QNG1: variants seen among roughly 807,000 people sequenced by gnomAD.
QNG1 encodes the protein queuosine 5'-phosphate N-glycosylase/hydrolase.
the QNG1 span, chr9:83,955,654 A>C: frequency 6.2e-7 from 1 of 1,606,708 alleles, no homozygotes; most frequent in Non-Finnish European, 8.5e-7. Context: ...TAGTGAAAAA[A>C]TAAAATTCAG....
At chr9:83,956,214 T>C in the QNG1 span, 4 of 1,613,724 alleles carry the variant, frequency 2.5e-6, no homozygotes, top group Non-Finnish European at 2.5e-6. Flanking sequence ...GTACCCACTG[T>C]ATGTTTTCCC....
At chr9:83,950,330 G>A in the QNG1 span, among the ~76,000 whole-genome samples, 1 of 152,110 alleles carries the variant, frequency 6.6e-6, no homozygotes, top group Non-Finnish European at 1.5e-5. Flanking sequence ...TTACAGGTAT[G>A]AGCCACCACG....
chr9:83,955,654 A>G, the QNG1 span: 5 of 1,606,590 alleles, frequency 3.1e-6, no homozygotes, highest in African/African-American at 5.4e-5. Flanking sequence ...TAGTGAAAAA[A>G]TAAAATTCAG....
At chr9:83,939,580 GT>G in the QNG1 span, 1 of 1,613,856 alleles carries the variant, frequency 6.2e-7, no homozygotes, top group Admixed American at 1.7e-5. Context: ...CATGGGCATA[GT>G]CCCATAAGTA....
the QNG1 span, among the ~76,000 whole-genome samples, chr9:83,949,857 T>A: frequency 6.6e-6 from 1 of 151,282 alleles, no homozygotes; most frequent in Admixed American, 6.6e-5. Flanking sequence ...AAACAAAAAA[T>A]AAAAATAAAA....
the QNG1 span, among the ~76,000 whole-genome samples, chr9:83,948,042 G>T: frequency 6.7e-6 from 1 of 149,118 alleles, no homozygotes; most frequent in South Asian, 2.1e-4. Context: ...GCCTCTTCCC[G>T]GCTGCCATCC....
chr9:83,946,379 C>T, the QNG1 span, among the ~76,000 whole-genome samples: 1 of 151,936 alleles, frequency 6.6e-6, no homozygotes, highest in Non-Finnish European at 1.5e-5. Flanking sequence ...TGAAGAGAAC[C>T]ACAACATTCA....
the QNG1 span, among the ~76,000 whole-genome samples, chr9:83,947,706 G>C: frequency 6.6e-6 from 1 of 152,180 alleles, no homozygotes; most frequent in Non-Finnish European, 1.5e-5. Flanking sequence ...GTGGAGATGG[G>C]GTTTCGCCGT....
chr9:83,948,601 C>G, the QNG1 span, among the ~76,000 whole-genome samples: 2 of 152,206 alleles, frequency 1.3e-5, no homozygotes, highest in Non-Finnish European at 2.9e-5. Flanking sequence ...GCATGCCCAA[C>G]AGCTCATTGA....
the QNG1 span, among the ~76,000 whole-genome samples, chr9:83,947,813 T>G: frequency 1.3e-5 from 2 of 152,246 alleles, no homozygotes; most frequent in East Asian, 3.8e-4. Context: ...GCTCACTCAG[T>G]GCTCAATGTT....
the QNG1 span, among the ~76,000 whole-genome samples, chr9:83,945,838 G>A: frequency 1.3e-5 from 2 of 151,984 alleles, no homozygotes; most frequent in Non-Finnish European, 2.9e-5. Flanking sequence ...TCCTGACCTT[G>A]TGATCTGCCC....
the QNG1 span, among the ~76,000 whole-genome samples, chr9:83,948,803 G>A: frequency 3.3e-5 from 5 of 152,062 alleles, no homozygotes; most frequent in African/African-American, 9.7e-5. Flanking sequence ...CCCCAACCCC[G>A]TGCTCTCTGA....
chr9:83,946,891 G>A, the QNG1 span, among the ~76,000 whole-genome samples: 1 of 151,996 alleles, frequency 6.6e-6, no homozygotes, highest in South Asian at 2.1e-4. Context: ...GAGCCACCAT[G>A]CCTGGCCTAC....
the QNG1 span, among the ~76,000 whole-genome samples, chr9:83,954,590 A>G: frequency 6.8e-6 from 1 of 146,944 alleles, no homozygotes; most frequent in African/African-American, 2.5e-5. Context: ...TCAGGGAAAG[A>G]AAAAAAAAAG....
the QNG1 span, among the ~76,000 whole-genome samples, chr9:83,949,659 AAAAC>A: frequency 4.6e-5 from 7 of 152,110 alleles, no homozygotes; most frequent in Middle Eastern, 3.4e-3. Context: ...GGGAAAAACA[AAAAC>A]AAACAAAAAA....
At chr9:83,948,169 C>T in the QNG1 span, among the ~76,000 whole-genome samples, 1 of 151,214 alleles carries the variant, frequency 6.6e-6, no homozygotes, top group African/African-American at 2.4e-5. Context: ...GCCGCGACCC[C>T]GTCTGGGAAC....
chr9:83,947,937 C>G, the QNG1 span, among the ~76,000 whole-genome samples: 257 of 152,246 alleles, frequency 1.7e-3, no homozygotes, highest in African/African-American at 5.3e-3. Flanking sequence ...GCCGCCACCC[C>G]GTATGGGAAG....
At chr9:83,947,715 G>C in the QNG1 span, among the ~76,000 whole-genome samples, 2 of 152,220 alleles carry the variant, frequency 1.3e-5, no homozygotes, top group Non-Finnish European at 2.9e-5. Context: ...GGGTTTCGCC[G>C]TGTTGGCCGG....
At chr9:83,944,059 C>T in the QNG1 span, among the ~76,000 whole-genome samples, 10,618 of 149,422 alleles carry the variant, frequency 0.071, 473 homozygotes, top group Non-Finnish European at 0.097. Flanking sequence ...CAGTGGCTCA[C>T]GCCTGTAATC....
Sources: allele counts gnomAD v4.1 joint callset (sites outside exome capture counted in the v4.1 genomes callset), GRCh38; gene constraint gnomAD v4.1.1; transcripts MANE v1.5; gene names NCBI Gene and HGNC (gene_info 2026-07-23, HGNC 2026-07-21).